Variants in PRDM16 observed in about 807,000 individuals in gnomAD.
PRDM16 encodes the protein PR/SET domain 16, also known as histone-lysine N-methyltransferase PRDM16.
PRDM16 carries 23 observed loss-of-function variants against 110.6 expected under a neutral mutation model. The ratio of observed to expected loss-of-function variants is 0.21; its 90% CI spans 0.15 to 0.29. PRDM16 has a LOEUF of 0.29. Ranked by LOEUF, PRDM16 falls within the 10% of genes least tolerant of loss-of-function variation. The probability of loss-of-function intolerance (pLI) is 1.00; values close to 1 mark genes in which losing one functional copy is unlikely to be tolerated. For missense variants in PRDM16, 1,615 were observed against 1,794.3 expected (o/e 0.90, Z 1.81); for synonymous variants, 799 against 781.8 (o/e 1.02, Z -0.37).
At position 3,425,885 on chromosome 1, in the gene PRDM16, C is replaced by G; in HGVS notation, c.3109+135C>G. ...GACTACCCCTCAGGAAGCCAACAGG[C>G]ACCCCTCAAACCGTGGTCATTAAAG... On this transcript the variant is annotated intron_variant, in intron 13 of 16. Coordinates refer to ENST00000270722, the MANE Select transcript of PRDM16 (RefSeq NM_022114.4). The surrounding 1 kb of genome is among the most constrained non-coding windows in gnomAD (Gnocchi z 6.9). The G allele has an allele frequency of 3.1e-6, 4 of 1,283,784 alleles. No individual in the cohort carries two copies. Among genetic ancestry groups the G allele is most frequent in the Non-Finnish European group, 4.3e-6 (4 of 932,010 alleles). 79.5% of individuals were successfully genotyped at this position (1,283,784 alleles called of 1,614,324 possible).
rs1323183028 is a variant in PRDM16, at chr1:3,288,909, T to A, written c.438+44772T>A. 2.0e-5 allele frequency among the ~76,000 whole-genome samples: 3 copies of A among 152,182 alleles called. No individual in the cohort carries two copies. In the East Asian group the frequency reaches 5.8e-4, roughly 29 times the overall value. On this transcript the variant is annotated intron_variant, in intron 3 of 16. Coordinates refer to ENST00000270722, the MANE Select transcript of PRDM16 (RefSeq NM_022114.4). The stretch of plus-strand genomic sequence containing the variant: ...TCCTCCCACATTGACCAGTGCCTGC[T>A]GCCCCTGGGTCTTTGAAGCTTCAGA...
intron 1 of PRDM16, among the ~76,000 whole-genome samples, chr1:3,114,331 A>C (rs1311828314): frequency 1.4e-5 from 2 of 144,854 alleles, no homozygotes; most frequent in Admixed American, 6.9e-5. Context: ...ACGCAGTGTA[A>C]ACAGACGCGC....
intron 2 of PRDM16, among the ~76,000 whole-genome samples, chr1:3,211,630 C>T (rs1228080794): frequency 6.6e-6 from 1 of 152,232 alleles, no homozygotes; most frequent in Non-Finnish European, 1.5e-5. Context: ...TCGTCCAGCC[C>T]ACTGGCCGCA....
chr1:3,292,348 C>G (rs1012317426), intron 3 of PRDM16, among the ~76,000 whole-genome samples: 1 of 152,186 alleles, frequency 6.6e-6, no homozygotes, highest in Non-Finnish European at 1.5e-5. Context: ...ATTTTTAGCC[C>G]CTGGGAATCA....
At chr1:3,212,687 G>T (rs938847612) in intron 2 of PRDM16, among the ~76,000 whole-genome samples, 3 of 151,664 alleles carry the variant, frequency 2.0e-5, no homozygotes, top group African/African-American at 4.8e-5. Context: ...CCCCCTCGCT[G>T]CGGTCCTCTC....
At chr1:3,354,459 CA>C (rs59791059) in intron 3 of PRDM16, among the ~76,000 whole-genome samples, 2,707 of 113,208 alleles carry the variant, frequency 0.024, 34 homozygotes, top group Non-Finnish European at 0.036. Flanking sequence ...GACTCTGCCT[CA>C]AAAAAAAAAA....
intron 3 of PRDM16, among the ~76,000 whole-genome samples, chr1:3,336,677 CATATGTGTTTT>C (rs1224606723): frequency 6.8e-6 from 1 of 147,660 alleles, no homozygotes; most frequent in African/African-American, 2.5e-5. Context: ...CATTCACACA[CATATGTGTTTT>C]TGTGAATCTG....
chr1:3,318,081 G>A (rs1017705906), intron 3 of PRDM16, among the ~76,000 whole-genome samples: 3 of 152,296 alleles, frequency 2.0e-5, no homozygotes, highest in East Asian at 1.9e-4. Context: ...CAAAGGGTTC[G>A]GGGTAATTGC....
chr1:3,390,322 C>T lies in PRDM16; in HGVS notation c.573+5036C>T, dbSNP rs1010480116. 6.6e-6 allele frequency among the ~76,000 whole-genome samples: 1 copy of T among 152,116 alleles called. No homozygotes were observed. Among genetic ancestry groups the T allele is most frequent in the African/African-American group, 2.4e-5 (1 of 41,426 alleles). The stretch of plus-strand genomic sequence containing the variant: ...CAGGGCTGAGGTCAAACACAAATGT[C>T]GGGGAGCTGGACTCAGGGGTGCGGG... On this transcript the variant is annotated intron_variant, in intron 4 of 16. Transcript: ENST00000270722. The surrounding 1 kb of genome is among the most constrained non-coding windows in gnomAD (Gnocchi z 5.0).
chr1:3,299,033 A>T lies in PRDM16; in HGVS notation c.438+54896A>T, dbSNP rs1641149877. ...CCTGGAATTTTGTCCTCGGACCAGC[A>T]CTACCACCAAAACGCACACAGCATT... On this transcript the variant is annotated intron_variant, in intron 3 of 16. Transcript: ENST00000270722. 1.3e-5 allele frequency among the ~76,000 whole-genome samples: 2 copies of T among 152,236 alleles called. 1 individual carries two copies. Among genetic ancestry groups the T allele is most frequent in the African/African-American group, 4.8e-5 (2 of 41,462 alleles).
intron 2 of PRDM16, among the ~76,000 whole-genome samples, chr1:3,233,571 C>T (rs1639468248): frequency 6.6e-6 from 1 of 152,202 alleles, no homozygotes; most frequent in African/African-American, 2.4e-5. Flanking sequence ...CTTCTCCCTG[C>T]CCCTGTGAGT....
rs143422385 is a variant in PRDM16 at position 3,362,078 on chromosome 1, A to G, written c.439-23074A>G. Among the ~76,000 whole-genome samples, 582 of 152,304 alleles carry G rather than the reference A, an allele frequency of 3.8e-3. 4 individuals carry two copies. Among genetic ancestry groups the G allele is most frequent in the Admixed American group, 8.9e-3 (136 of 15,310 alleles). Reference sequence around the variant, plus strand: ...CTGGTAGCCAGCTGGTCCCGGGGACATCTGTCTGGAAGGTGAAGGAAGACA... The same window carrying G: ...CTGGTAGCCAGCTGGTCCCGGGGACGTCTGTCTGGAAGGTGAAGGAAGACA... On this transcript the variant is annotated intron_variant, in intron 3 of 16. Coordinates refer to ENST00000270722, the MANE Select transcript of PRDM16 (RefSeq NM_022114.4).
chr1:3,238,609 G>A (rs576383195), intron 2 of PRDM16, among the ~76,000 whole-genome samples: 30 of 152,332 alleles, frequency 2.0e-4, no homozygotes, highest in Non-Finnish European at 2.6e-4. Context: ...AGCCAGAGGC[G>A]GGGCGGCCGG....
In PRDM16 at chr1:3,154,359, G is replaced by A. The variant is rs143931558; in HGVS notation, c.38-31766G>A. The stretch of plus-strand genomic sequence containing the variant: ...GGGTGGGCAGTTACAGGAGGCGACG[G>A]AGCTGCCTGTCGCTGTGGCAGCTTT... On this transcript the variant is annotated intron_variant, in intron 1 of 16. Transcript: ENST00000270722. 4.7e-4 allele frequency among the ~76,000 whole-genome samples: 71 copies of A among 152,324 alleles called. 1 individual carries two copies. Among genetic ancestry groups the A allele is most frequent in the African/African-American group, 1.6e-3 (67 of 41,568 alleles).
intron 3 of PRDM16, among the ~76,000 whole-genome samples, chr1:3,250,639 C>G (rs60443258): frequency 0.078 from 11,869 of 152,226 alleles, 541 homozygotes; most frequent in African/African-American, 0.1. Context: ...TCTCTACCAC[C>G]CTGCGTGTCT....
chr1:3,069,338 G>A lies in PRDM16; in HGVS notation c.37+42G>A. 2 of 1,019,322 alleles carry A rather than the reference G, an allele frequency of 2.0e-6. No homozygotes were observed. Among genetic ancestry groups the A allele is most frequent in the Non-Finnish European group, 2.4e-6 (2 of 842,596 alleles). 63.1% of individuals were successfully genotyped at this position (1,019,322 alleles called of 1,614,324 possible). A position where few individuals can be genotyped will look rare whatever the true frequency, so the allele number is the denominator to read the frequency against. On this transcript the variant is annotated intron_variant, in intron 1 of 16. Coordinates refer to ENST00000270722, the MANE Select transcript of PRDM16 (RefSeq NM_022114.4). The surrounding 1 kb of genome is among the most constrained non-coding windows in gnomAD (Gnocchi z 6.1). The stretch of plus-strand genomic sequence containing the variant: ...CGGCCGCGCCGCGCCGCCGGGGCCC[G>A]GGCCGCCGGGCCGGGGCGCCCGGGC...
chr1:3,377,360 G>A lies in PRDM16; in HGVS notation c.439-7792G>A, dbSNP rs572715116. On this transcript the variant is annotated intron_variant, in intron 3 of 16. Coordinates refer to ENST00000270722, the MANE Select transcript of PRDM16 (RefSeq NM_022114.4). ...GATGGATGCTGCGGCGTTCCCACCT[G>A]CACGCACACCCTGGACGGGGCCGGC... Among the ~76,000 whole-genome samples the A allele has an allele frequency of 1.0e-3, 152 of 152,362 alleles. 1 individual carries two copies. The highest frequency in any genetic ancestry group is 6.0e-3 in the South Asian group (29 of 4,828).
At chr1:3,252,636 G>A (rs546216311) in intron 3 of PRDM16, among the ~76,000 whole-genome samples, 38 of 152,214 alleles carry the variant, frequency 2.5e-4, no homozygotes, top group African/African-American at 8.9e-4. Flanking sequence ...AGCAGGGTGG[G>A]GCAGCCAGGT....
chr1:3,080,417 T>C lies in PRDM16; in HGVS notation c.37+11121T>C, dbSNP rs1025330470. On this transcript the variant is annotated intron_variant, in intron 1 of 16. Transcript: ENST00000270722. The surrounding 1 kb of genome is among the most constrained non-coding windows in gnomAD (Gnocchi z 5.2). ...CGATCGGTTTCTCTACCCCGGCCCATCCAGCCATCCTTTTCTTTAATGAAA... is the reference window on the plus strand; with the variant it reads ...CGATCGGTTTCTCTACCCCGGCCCACCCAGCCATCCTTTTCTTTAATGAAA... 1.3e-5 allele frequency among the ~76,000 whole-genome samples: 2 copies of C among 152,116 alleles called. No individual in the cohort carries two copies. The highest frequency in any genetic ancestry group is 6.5e-5 in the Admixed American group (1 of 15,270).
Sources: allele counts gnomAD v4.1 joint callset (sites outside exome capture counted in the v4.1 genomes callset), GRCh38; gene constraint gnomAD v4.1.1; non-coding constraint Gnocchi (gnomAD v3.1); transcripts MANE v1.5; gene names NCBI Gene and HGNC (gene_info 2026-07-23, HGNC 2026-07-21).